Variants in BRWD1 observed in about 807,000 individuals in gnomAD.
The protein encoded by BRWD1 is bromodomain and WD repeat-containing protein 1.
Under a neutral mutation model 251.2 loss-of-function variants are expected in BRWD1, and 82 were observed. That is an observed-to-expected ratio of 0.33 (90% confidence interval 0.27 to 0.39). BRWD1 has a LOEUF of 0.39. Ranked by LOEUF, BRWD1 falls within the 10% of genes least tolerant of loss-of-function variation. The pLI is 1.00. For missense variants in BRWD1, 2,233 were observed against 2,711.6 expected (o/e 0.82, Z 3.92); for synonymous variants, 918 against 902.8 (o/e 1.02, Z -0.30).
At chr21:39,307,003 G>A (rs1004340931) in intron 4 of BRWD1, among the ~76,000 whole-genome samples, 2 of 152,138 alleles carry the variant, frequency 1.3e-5, no homozygotes, top group African/African-American at 4.8e-5. Flanking sequence ...ACAGGCACCT[G>A]CCACCACGCC....
Position 39,194,622 on chromosome 21 carries a change from C to A in BRWD1, c.*1637G>T, listed in dbSNP as rs2031717054. The stretch of plus-strand genomic sequence containing the variant: ...TGCATCAGAGTAGAAAGAAAATGTA[C>A]CTTCTACTATGTCAAATGGAATAGA... On this transcript the variant is annotated 3_prime_UTR_variant, in exon 41 of 41. Coordinates refer to ENST00000342449, the MANE Select transcript of BRWD1 (RefSeq NM_033656.4). The A allele has an allele frequency of 1.3e-6, 2 of 1,523,442 alleles. No homozygotes were observed. Among genetic ancestry groups the A allele is most frequent in the Non-Finnish European group, 8.8e-7 (1 of 1,140,148 alleles). The allele number at this position is 1,523,442 out of a possible 1,614,324, so 94.4% of individuals were successfully genotyped here.
intron 2 of BRWD1, 64 bp from the exon 3 acceptor site, chr21:39,313,165 G>C (rs1350899081): frequency 2.0e-6 from 3 of 1,493,792 alleles, no homozygotes; most frequent in Non-Finnish European, 2.7e-6. Context: ...TTTCACCCCC[G>C]CCCACCACCC....
intron 13 of BRWD1, among the ~76,000 whole-genome samples, chr21:39,272,733 G>A (rs1282779698): frequency 2.0e-5 from 3 of 150,702 alleles, no homozygotes; most frequent in Non-Finnish European, 4.4e-5. Flanking sequence ...TTAGCCTCCC[G>A]AGTAGCTGGG....
In BRWD1 at chr21:39,250,814, A is replaced by T; in HGVS notation, c.2331T>A (p.Thr777=). 1.3e-6 allele frequency: 2 copies of T among 1,592,882 alleles called. No homozygotes were observed. Among genetic ancestry groups the T allele is most frequent in the Non-Finnish European group, 1.7e-6 (2 of 1,169,440 alleles). The change falls in exon 20 of 41, where the codon ACT becomes ACA. Residue 777 remains threonine (T), a synonymous_variant. Transcript: ENST00000342449. Reference sequence around the variant, plus strand: ...AGGTTACCTTATGTGAGAGCTGAAGAGTCTTTCTTTTTCTTCCTATTATAT... The same window carrying T: ...AGGTTACCTTATGTGAGAGCTGAAGTGTCTTTCTTTTTCTTCCTATTATAT... The part of the protein sequence containing the change: ...NLYIIGRKRK[T]LQLSHKSDSV...
Position 39,224,277 on chromosome 21 carries a change from C to T in BRWD1, c.3382+131G>A, listed in dbSNP as rs2033295107. The T allele has an allele frequency of 8.0e-6, 4 of 501,010 alleles. 1 individual carries two copies. Among genetic ancestry groups the T allele is most frequent in the Non-Finnish European group, 1.4e-5 (4 of 289,166 alleles). The allele number at this position is 501,010 out of a possible 1,614,324, so 31.0% of individuals were successfully genotyped here. On this transcript the variant is annotated intron_variant, in intron 29 of 40. Transcript: ENST00000342449. ...TAAACACGATGCTGTTGTCTTCTTT[C>T]AGTAAAGTTCAGTTACTGTAATAAT...
intron 5 of BRWD1, chr21:39,298,144 G>T: frequency 9.5e-7 from 1 of 1,055,154 alleles, no homozygotes; most frequent in Non-Finnish European, 1.1e-6. Flanking sequence ...GCTACAAAAT[G>T]GAAAATTAAG....
chr21:39,282,044 A>G (rs1048059301), intron 8 of BRWD1, among the ~76,000 whole-genome samples: 3 of 151,778 alleles, frequency 2.0e-5, no homozygotes, highest in Non-Finnish European at 4.4e-5. Flanking sequence ...ATATGTATGT[A>G]CATATGTATA....
At chr21:39,314,319 C>G (rs1265068133), upstream of BRWD1, 2 of 455,830 alleles carry the variant, frequency 4.4e-6, no homozygotes, top group Admixed American at 2.4e-5. Flanking sequence ...AGCAGCCCGG[C>G]AGAAAATTAC....
At chr21:39,185,091 A>C (rs202156119), downstream of BRWD1, 6 of 152,266 alleles carry the variant, frequency 3.9e-5, no homozygotes, top group East Asian at 1.2e-3. Flanking sequence ...GTTAAGTTTT[A>C]AGCAAATGCT....
In BRWD1 at chr21:39,238,565, G is replaced by T; in HGVS notation, c.2490C>A (p.Ser830=). ...ESSSSVRHET[S]CDQSEGSGSS... ...AACCAGAACCTTCACTCTGATCACA[G>T]GAAGTCTCCTAATTTGTGAAGGGGG... The change falls in exon 22 of 41, where the codon TCC becomes TCA. Residue 830 remains serine (S), a synonymous_variant. Transcript: ENST00000342449. 1.2e-6 allele frequency: 2 copies of T among 1,612,482 alleles called. No individual in the cohort carries two copies. The highest frequency in any genetic ancestry group is 8.5e-7 in the Non-Finnish European group (1 of 1,178,934).
chr21:39,303,691 T>C (rs2036194052), intron 4 of BRWD1, among the ~76,000 whole-genome samples: 1 of 149,864 alleles, frequency 6.7e-6, no homozygotes, highest in Non-Finnish European at 1.5e-5. Flanking sequence ...GGTGTGGTGG[T>C]GCATGCCTGT....
intron 4 of BRWD1, among the ~76,000 whole-genome samples, chr21:39,300,730 T>C (rs1366649237): frequency 1.3e-5 from 2 of 152,088 alleles, no homozygotes; most frequent in African/African-American, 2.4e-5. Context: ...ATATGACCCA[T>C]GGTCAAGAGG....
intron 27 of BRWD1, among the ~76,000 whole-genome samples, chr21:39,225,651 C>T (rs763785586): frequency 2.0e-5 from 3 of 151,862 alleles, no homozygotes; most frequent in Non-Finnish European, 4.4e-5. Flanking sequence ...ACAATTTATC[C>T]CCAAGAAAGA....
At chr21:39,277,564 TCTC>T (rs546021212) in intron 10 of BRWD1, among the ~76,000 whole-genome samples, 72 of 152,172 alleles carry the variant, frequency 4.7e-4, no homozygotes, top group African/African-American at 1.6e-3. Flanking sequence ...ACATTCACAA[TCTC>T]CTCCTGTTTT....
At chr21:39,303,204 A>C (rs2036176838) in intron 4 of BRWD1, among the ~76,000 whole-genome samples, 1 of 152,076 alleles carries the variant, frequency 6.6e-6, no homozygotes, top group East Asian at 1.9e-4. Flanking sequence ...CAAAAGAATA[A>C]TAAAAGGATA....
Position 39,238,413 on chromosome 21 carries a change from C to T in BRWD1, c.2576+66G>A, listed in dbSNP as rs78152583. On this transcript the variant is annotated intron_variant, in intron 22 of 40. Coordinates refer to ENST00000342449, the MANE Select transcript of BRWD1 (RefSeq NM_033656.4). ...AAATTCTTGCCTCTTGAATAAAATTCAAGTATGATTCCATCCAAGACTATG... is the reference window on the plus strand; with the variant it reads ...AAATTCTTGCCTCTTGAATAAAATTTAAGTATGATTCCATCCAAGACTATG... The T allele has an allele frequency of 3.3e-3, 4,248 of 1,302,438 alleles. 96 individuals carry two copies. The African/African-American group carries it at 0.053, about 16-fold the overall frequency. 80.7% of individuals were successfully genotyped at this position (1,302,438 alleles called of 1,614,324 possible). A position where few individuals can be genotyped will look rare whatever the true frequency, so the allele number is the denominator to read the frequency against.
At chr21:39,235,610 C>A in intron 23 of BRWD1, 1 of 222,342 alleles carries the variant, frequency 4.5e-6, no homozygotes, top group South Asian at 8.4e-5. Flanking sequence ...CTCCAAGTAT[C>A]AGGTCAAAAT....
rs768452759 is a variant in BRWD1 at position 39,293,998 on chromosome 21, G to A, written c.644C>T (p.Thr215Ile). 6.2e-7 allele frequency: 1 copy of A among 1,614,142 alleles called. No homozygotes were observed. The highest frequency in any genetic ancestry group is 1.3e-5 in the African/African-American group (1 of 75,032). Residue 215 changes from threonine (T) to isoleucine (I), a missense_variant, in exon 8 of 41, where the codon ACA becomes ATA. Coordinates refer to ENST00000342449, the MANE Select transcript of BRWD1 (RefSeq NM_033656.4). ...SDDCLVKIWS[T>I]HNGRLLSTLR... ...TGTAGATAACAAGCGGCCATTATGT[G>A]TTGACCAAATCTTTACCAAACAGTC...
chr21:39,278,700 T>TC, intron 10 of BRWD1, 43 bp downstream of exon 10: 1 of 1,442,994 alleles, frequency 6.9e-7, no homozygotes, highest in Non-Finnish European at 9.4e-7. Context: ...TAATAGATGT[T>TC]TAAAAAAAAA....
Sources: allele counts gnomAD v4.1 joint callset (sites outside exome capture counted in the v4.1 genomes callset), GRCh38; gene constraint gnomAD v4.1.1; transcripts MANE v1.5; gene names NCBI Gene and HGNC (gene_info 2026-07-23, HGNC 2026-07-21).